The following EHD4 variants were observed in gnomAD, a reference collection of about 807,000 sequenced individuals.
The protein encoded by EHD4 is EH domain-containing protein 4.
EHD4 carries 37 observed loss-of-function variants against 51.0 expected under a neutral mutation model. The ratio of observed to expected loss-of-function variants is 0.73; its 90% confidence interval spans 0.56 to 0.95. The LOEUF is 0.95. EHD4 is among the 40% of genes least tolerant of loss of function. The pLI is 0.00. For missense variants in EHD4, 632 were observed against 733.1 expected, an observed-to-expected ratio of 0.86 and a Z score of 1.59; for synonymous variants, 297 against 317.3, an observed-to-expected ratio of 0.94 and a Z score of 0.68.
At chr15:41,970,072 G>T (rs745734777) in intron 1 of EHD4, among the ~76,000 whole-genome samples, 2 of 152,286 alleles carry the variant, frequency 1.3e-5, no homozygotes, top group South Asian at 4.1e-4. Flanking sequence ...ATGAATCCAT[G>T]GTTCATTTAC....
intron 4 of EHD4, among the ~76,000 whole-genome samples, chr15:41,917,746 G>A (rs200529893): frequency 6.6e-5 from 10 of 152,324 alleles, no homozygotes; most frequent in East Asian, 5.8e-4. Flanking sequence ...AGAGCTGCAC[G>A]TAAGTGGATT....
intron 1 of EHD4, among the ~76,000 whole-genome samples, chr15:41,968,442 C>G (rs995679729): frequency 4.1e-5 from 6 of 147,394 alleles, no homozygotes; most frequent in African/African-American, 7.5e-5. Flanking sequence ...CCTTTTCCCT[C>G]ATCTTTACTC....
At chr15:41,972,183 G>C in intron 1 of EHD4, 76 bp downstream of exon 1, 1 of 1,259,236 alleles carries the variant, frequency 7.9e-7, no homozygotes, top group African/African-American at 1.5e-5. Context: ...GGGCAGCGGC[G>C]GGAGGCGGCC....
chr15:41,930,352 G>A (rs1344058465), intron 3 of EHD4, among the ~76,000 whole-genome samples: 2 of 152,186 alleles, frequency 1.3e-5, no homozygotes, highest in Non-Finnish European at 2.9e-5. Context: ...CGGAGTTGGC[G>A]TGGCAAACAT....
intron 5 of EHD4, among the ~76,000 whole-genome samples, chr15:41,907,167 G>A (rs28478297): frequency 0.2 from 30,884 of 152,142 alleles, 3,335 homozygotes; most frequent in Middle Eastern, 0.41. Context: ...CAAGAGCAGC[G>A]TCTCCCTGTG....
At chr15:41,938,966 G>A (rs1204076352) in intron 3 of EHD4, among the ~76,000 whole-genome samples, 1 of 152,212 alleles carries the variant, frequency 6.6e-6, no homozygotes, top group Non-Finnish European at 1.5e-5. Context: ...TTTAGGTTCA[G>A]CATGGACTCA....
At chr15:41,908,475 G>A (rs1271060174) in intron 5 of EHD4, 1 of 152,126 alleles carries the variant, frequency 6.6e-6, no homozygotes, top group Admixed American at 6.5e-5. Context: ...AATCTATGCT[G>A]GCTTCAATGC....
chr15:41,934,631 C>T (rs548742408), intron 3 of EHD4, among the ~76,000 whole-genome samples: 40 of 152,260 alleles, frequency 2.6e-4, no homozygotes, highest in African/African-American at 9.4e-4. Context: ...ATTTTAACAG[C>T]TCCCCAGGTG....
rs1266031329 is a variant in EHD4, at chr15:41,972,544, C to T, written c.-50G>A. 2.1e-6 allele frequency: 3 copies of T among 1,427,658 alleles called. No homozygotes were observed. Among genetic ancestry groups the T allele is most frequent in the African/African-American group, 3.0e-5 (2 of 66,940 alleles). The allele number at this position is 1,427,658 out of a possible 1,614,324, so 88.4% of individuals were successfully genotyped here. A position where few individuals can be genotyped will look rare whatever the true frequency, so the allele number is the denominator to read the frequency against. ...GGGACCCTGCTCCGGGTTCGACTCT[C>T]CCCGGCTCGCACTGAGCCGCCCCGG... is the stretch of plus-strand genomic sequence containing the variant. On this transcript the variant is annotated 5_prime_UTR_variant, in exon 1 of 6. Coordinates refer to ENST00000220325, the MANE Select transcript of EHD4 (RefSeq NM_139265.4).
chr15:41,948,166 T>C (rs1034028131), intron 2 of EHD4, among the ~76,000 whole-genome samples: 1 of 151,888 alleles, frequency 6.6e-6, no homozygotes, highest in Admixed American at 6.6e-5. Context: ...AGGCAGAGAA[T>C]TGCTTGAACC....
At chr15:41,917,365 C>T (rs978566537) in intron 4 of EHD4, among the ~76,000 whole-genome samples, 3 of 152,068 alleles carry the variant, frequency 2.0e-5, no homozygotes, top group African/African-American at 4.8e-5. Flanking sequence ...GTGATCCACC[C>T]GCCTCCGACT....
chr15:41,954,034 AT>A (rs2067870463), intron 1 of EHD4, 94 bp from the exon 2 acceptor site: 1 of 1,366,852 alleles, frequency 7.3e-7, no homozygotes, highest in Non-Finnish European at 1.0e-6. Context: ...TTACATAATC[AT>A]TTAAAAACGT....
intron 5 of EHD4, chr15:41,908,615 T>C (rs1001528375): frequency 2.6e-5 from 4 of 152,226 alleles, no homozygotes; most frequent in African/African-American, 9.7e-5. Flanking sequence ...TGATCTGACA[T>C]ACAAATCCAG....
At chr15:41,925,094 T>G (rs540392402) in intron 3 of EHD4, among the ~76,000 whole-genome samples, 1 of 149,736 alleles carries the variant, frequency 6.7e-6, no homozygotes, top group South Asian at 2.1e-4. Flanking sequence ...AATCATATGT[T>G]ATACTTCAAC....
intron 3 of EHD4, among the ~76,000 whole-genome samples, chr15:41,936,760 C>T (rs541617395): frequency 3.0e-4 from 45 of 152,286 alleles, no homozygotes; most frequent in South Asian, 1.7e-3. Context: ...GTCACAGTGG[C>T]GATATGCTCA....
Position 41,972,312 on chromosome 15 carries a change from C to A in EHD4, c.183G>T (p.Lys61Asn). Residue 61 changes from lysine to asparagine, a missense_variant, in exon 1 of 6, where the codon AAG becomes AAT. By Grantham distance (94) the Lys-to-Asn change is moderately conservative. Coordinates refer to ENST00000220325, the MANE Select transcript of EHD4 (RefSeq NM_139265.4). The stretch of plus-strand genomic sequence containing the variant: ...ACTGGCCCACCAGCAGGATCATGGG[C>A]TTGTTCTCGAAGTCGGCGTCCTCCA... ...PALEDADFEN[K>N]PMILLVGQYS... 1 of 1,611,252 alleles carries A rather than the reference C, an allele frequency of 6.2e-7. No individual in the cohort carries two copies. Among genetic ancestry groups the A allele is most frequent in the Non-Finnish European group, 8.5e-7 (1 of 1,178,814 alleles).
chr15:41,949,016 CTATATATATATATA>C lies in EHD4; in HGVS notation c.413+4734_413+4747del, dbSNP rs3035677. ...CTCCAGCCTGGGCAACAGAGTGAGA[CTATATATATATATA>C]TATATATATATATATATATATACAC... On this transcript the variant is annotated intron_variant, in intron 2 of 5. Transcript: ENST00000220325. 8.3e-4 allele frequency among the ~76,000 whole-genome samples: 77 copies of C among 92,478 alleles called. 1 individual carries two copies. The highest frequency in any genetic ancestry group is 2.2e-3 in the African/African-American group (54 of 24,550). The allele number at this position is 92,478 out of a possible 152,430, so 60.7% of individuals were successfully genotyped here.
At chr15:41,963,164 G>A (rs544388756) in intron 1 of EHD4, among the ~76,000 whole-genome samples, 2 of 152,090 alleles carry the variant, frequency 1.3e-5, no homozygotes, top group African/African-American at 2.4e-5. Flanking sequence ...GCGGAAGGCC[G>A]CAGGGTCCTC....
Position 41,919,579 on chromosome 15 carries a change from C to T in EHD4, c.555G>A (p.Val185=), listed in dbSNP as rs2067610508. The change falls in exon 4 of 6, where the codon GTG becomes GTA. Residue 185 remains valine (V), a synonymous_variant. Transcript: ENST00000220325. ...CGTCAAAGAGCAGGATGATCCTGTC[C>T]ACCCTCTCGGCAAACCACTGCAGGA... is the stretch of plus-strand genomic sequence containing the variant. The part of the protein sequence containing the change: ...CQVLQWFAER[V]DRIILLFDAH... 6.6e-7 allele frequency: 1 copy of T among 1,519,374 alleles called. No homozygotes were observed. The highest frequency in any genetic ancestry group is 2.3e-5 in the East Asian group (1 of 44,086). The allele number at this position is 1,519,374 out of a possible 1,614,324, so 94.1% of individuals were successfully genotyped here.
Sources: allele counts gnomAD v4.1 joint callset (sites outside exome capture counted in the v4.1 genomes callset), GRCh38; gene constraint gnomAD v4.1.1; transcripts MANE v1.5; gene names NCBI Gene and HGNC (gene_info 2026-07-23, HGNC 2026-07-21).